Variants in SLC16A10 observed in about 807,000 individuals in gnomAD.
SLC16A10 encodes solute carrier family 16 member 10, also known as monocarboxylate transporter 10.
A neutral mutation model predicts 40.0 loss-of-function variants in SLC16A10; 27 were observed. The ratio of observed to expected loss-of-function variants is 0.67; its 90% CI spans 0.50 to 0.93. SLC16A10 has a LOEUF of 0.93. Ranked by LOEUF, SLC16A10 falls within the 40% of genes least tolerant of loss-of-function variation. SLC16A10 has a pLI of 0.00. For missense variants in SLC16A10, 529 were observed against 658.2 expected (o/e 0.80, Z 2.15); for synonymous variants, 213 against 249.8 (o/e 0.85, Z 1.39).
chr6:111,222,077 G>T lies in SLC16A10; in HGVS notation c.1390G>T (p.Ala464Ser). ...TGGAGTCCCTCCCCTTATTGGAGGTGCTGTGCTTTGTTTTATCCCGTGGAT... is the reference window on the plus strand; with the variant it reads ...TGGAGTCCCTCCCCTTATTGGAGGTTCTGTGCTTTGTTTTATCCCGTGGAT... ...LAGVPPLIGG[A>S]VLCFIPWIHS... The change falls in exon 6 of 6, where the codon GCT (alanine) becomes TCT (serine). Residue 464 changes from alanine to serine, a missense_variant. Coordinates refer to ENST00000368851, the MANE Select transcript of SLC16A10 (RefSeq NM_018593.5). The T allele has an allele frequency of 6.2e-7, 1 of 1,610,710 alleles. No individual in the cohort carries two copies. The highest frequency in any genetic ancestry group is 1.3e-5 in the African/African-American group (1 of 74,708).
chr6:111,145,596 A>G (rs1772063409), intron 1 of SLC16A10, among the ~76,000 whole-genome samples: 1 of 152,174 alleles, frequency 6.6e-6, no homozygotes, highest in East Asian at 1.9e-4. Flanking sequence ...AAAATGGATT[A>G]AAGACCTAAG....
intron 1 of SLC16A10, among the ~76,000 whole-genome samples, chr6:111,092,441 C>T (rs999188482): frequency 4.0e-5 from 6 of 150,656 alleles, no homozygotes; most frequent in Admixed American, 1.3e-4. Context: ...CTCAGCCTTC[C>T]GAGTAGCTGG....
In SLC16A10 at chr6:111,228,115, GAC is replaced by G. The variant is rs1251536855; in HGVS notation, c.*5885_*5886del. On this transcript the variant is annotated 3_prime_UTR_variant, in exon 6 of 6. Coordinates refer to ENST00000368851, the MANE Select transcript of SLC16A10 (RefSeq NM_018593.5). ...CTAGATACACTTAGATTCTAAATTA[GAC>G]ACACTCAGATTCTAATGAACACTTA... 2 of 152,174 alleles carry G rather than the reference GAC, an allele frequency of 1.3e-5. No homozygotes were observed. Among genetic ancestry groups the G allele is most frequent in the East Asian group, 3.8e-4 (2 of 5,196 alleles). 9.4% of individuals were successfully genotyped at this position (152,174 alleles called of 1,614,324 possible). A position where few individuals can be genotyped will look rare whatever the true frequency, so the allele number is the denominator to read the frequency against.
At chr6:111,143,878 C>G (rs917602630) in intron 1 of SLC16A10, among the ~76,000 whole-genome samples, 3 of 152,132 alleles carry the variant, frequency 2.0e-5, no homozygotes, top group African/African-American at 7.2e-5. Context: ...AATCCCAACA[C>G]TTTGGGAGGT....
intron 1 of SLC16A10, among the ~76,000 whole-genome samples, chr6:111,135,765 G>A (rs528704129): frequency 2.0e-4 from 30 of 152,296 alleles, no homozygotes; most frequent in Non-Finnish European, 2.6e-4. Context: ...TTTGGTATGC[G>A]GATGATTTAC....
chr6:111,096,285 A>T (rs1771073234), intron 1 of SLC16A10, among the ~76,000 whole-genome samples: 1 of 152,246 alleles, frequency 6.6e-6, no homozygotes. Flanking sequence ...ATCACCGCCT[A>T]GCTAGAAATC....
At chr6:111,130,897 C>T (rs1252671756) in intron 1 of SLC16A10, among the ~76,000 whole-genome samples, 1 of 152,216 alleles carries the variant, frequency 6.6e-6, no homozygotes, top group Non-Finnish European at 1.5e-5. Flanking sequence ...GAAAACTACT[C>T]AATCTCTCTG....
intron 2 of SLC16A10, among the ~76,000 whole-genome samples, chr6:111,175,704 C>T (rs1018352802): frequency 7.6e-6 from 1 of 132,030 alleles, no homozygotes; most frequent in East Asian, 2.1e-4. Flanking sequence ...GGCAGAACCA[C>T]ATTTTTTTTT....
chr6:111,229,029 C>CAA lies in SLC16A10; in HGVS notation c.*6813_*6814dup, dbSNP rs4038339. 0.31 allele frequency: 35,116 copies of CAA among 111,556 alleles called. 5,986 individuals are homozygous for CAA. The highest frequency in any genetic ancestry group is 0.37 in the East Asian group (1,472 of 3,948). 6.9% of individuals were successfully genotyped at this position (111,556 alleles called of 1,614,324 possible). A position where few individuals can be genotyped will look rare whatever the true frequency, so the allele number is the denominator to read the frequency against. On this transcript the variant is annotated 3_prime_UTR_variant, in exon 6 of 6. Coordinates refer to ENST00000368851, the MANE Select transcript of SLC16A10 (RefSeq NM_018593.5). ...GGGCAACAAGAGCAAAACTCTGTCT[C>CAA]AAAAAAAAAAAAAAAAAAAATAGTG...
At chr6:111,174,724 T>TA (rs909959757) in intron 2 of SLC16A10, among the ~76,000 whole-genome samples, 19 of 152,220 alleles carry the variant, frequency 1.2e-4, no homozygotes, top group African/African-American at 4.6e-4. Context: ...CTTGTGGCTC[T>TA]ACCACTTGCC....
chr6:111,217,202 G>A (rs986773517), intron 4 of SLC16A10, among the ~76,000 whole-genome samples: 10 of 152,152 alleles, frequency 6.6e-5, no homozygotes, highest in Non-Finnish European at 1.2e-4. Flanking sequence ...TCTGTGCTTT[G>A]GGCACATTAA....
chr6:111,174,073 G>A (rs994841890), intron 2 of SLC16A10, among the ~76,000 whole-genome samples: 3 of 152,116 alleles, frequency 2.0e-5, no homozygotes, highest in Admixed American at 6.6e-5. Context: ...CTCCTTGTAA[G>A]TCCCTTGCGT....
intron 3 of SLC16A10, among the ~76,000 whole-genome samples, chr6:111,202,968 T>C (rs1345370407): frequency 6.6e-6 from 1 of 151,778 alleles, no homozygotes; most frequent in Non-Finnish European, 1.5e-5. Flanking sequence ...CTAACTTATC[T>C]TTAAAGTTAA....
At position 111,088,151 on chromosome 6, in the gene SLC16A10, C is replaced by T. The variant is rs1372498694; in HGVS notation, c.343+56C>T. ...GGGCGACCCGCGTGGGGCCCCCGAG[C>T]GCATCCCGCGTGTGGGCTGTGTCTG... On this transcript the variant is annotated intron_variant, in intron 1 of 5. Coordinates refer to ENST00000368851, the MANE Select transcript of SLC16A10 (RefSeq NM_018593.5). The T allele has an allele frequency of 4.5e-6, 7 of 1,538,882 alleles. No individual in the cohort carries two copies. In the South Asian group the frequency reaches 7.1e-5, roughly 16 times the overall value.
intron 1 of SLC16A10, among the ~76,000 whole-genome samples, chr6:111,139,996 A>G (rs1771952648): frequency 6.6e-6 from 1 of 152,194 alleles, no homozygotes; most frequent in Non-Finnish European, 1.5e-5. Context: ...AGACACTGGG[A>G]TCTACTTGAG....
rs138804523 is a variant in SLC16A10, at chr6:111,122,513, C to T, written c.343+34418C>T. 1.3e-3 allele frequency among the ~76,000 whole-genome samples: 203 copies of T among 152,262 alleles called. 1 individual carries two copies. The highest frequency in any genetic ancestry group is 4.6e-3 in the African/African-American group (193 of 41,530). On this transcript the variant is annotated intron_variant, in intron 1 of 5. Transcript: ENST00000368851. Reference sequence around the variant, plus strand: ...CCTTGCCTTTAAAGAACCCTGTGCTCTTTAAAGTTTCCAGGGCACAATTGA... The same window carrying T: ...CCTTGCCTTTAAAGAACCCTGTGCTTTTTAAAGTTTCCAGGGCACAATTGA...
At chr6:111,194,315 T>A (rs1773044775) in intron 3 of SLC16A10, among the ~76,000 whole-genome samples, 1 of 152,224 alleles carries the variant, frequency 6.6e-6, no homozygotes, top group Admixed American at 6.5e-5. Flanking sequence ...AGAGACTTTC[T>A]CAGGTCACAC....
chr6:111,196,689 G>A (rs1773085030), intron 3 of SLC16A10, among the ~76,000 whole-genome samples: 1 of 152,018 alleles, frequency 6.6e-6, no homozygotes, highest in Admixed American at 6.5e-5. Context: ...ACCATTTCTG[G>A]GGATCATAGT....
At chr6:111,140,475 G>A (rs1317990581) in intron 1 of SLC16A10, among the ~76,000 whole-genome samples, 1 of 150,786 alleles carries the variant, frequency 6.6e-6, no homozygotes, top group Non-Finnish European at 1.5e-5. Context: ...AAAAAAAAAA[G>A]AAAAGGAACA....
Sources: gnomAD v4.1 joint callset for allele counts (sites outside exome capture counted in the v4.1 genomes callset) on GRCh38, gnomAD v4.1.1 for gene constraint, MANE v1.5 for transcripts, NCBI Gene and HGNC (gene_info 2026-07-23, HGNC 2026-07-21) for gene names.